Variants in KRT5 observed in about 807,000 individuals in gnomAD.
The protein encoded by KRT5 is keratin, type II cytoskeletal 5.
Under a neutral mutation model 44.0 loss-of-function variants are expected in KRT5, and 17 were observed. That is an observed-to-expected ratio of 0.39 (90% CI 0.26 to 0.58). The LOEUF (loss-of-function observed/expected upper bound fraction) is 0.58, where lower values mean the gene tolerates loss of function less well. Among genes scored for constraint, KRT5 ranks in the 20% least tolerant of loss-of-function variants. KRT5 has a pLI of 0.61. For synonymous variants in KRT5, 329 were observed against 312.8 expected, an observed-to-expected ratio of 1.05 and a Z score of -0.55; for missense variants, 737 against 785.5, an observed-to-expected ratio of 0.94 and a Z score of 0.74.
Position 52,515,826 on chromosome 12 carries a change from A to T in KRT5, c.1446T>A (p.Ser482Arg). ...TGTTGACTGGTCCAACTCCTTCTCCACTGAGTCTGAAAGGGGAAAAATTGA... is the reference window on the plus strand; with the variant it reads ...TGTTGACTGGTCCAACTCCTTCTCCTCTGAGTCTGAAAGGGGAAAAATTGA... ...KLLEGEECRL[S>R]GEGVGPVNIS... Residue 482 changes from serine to arginine, a missense_variant, in exon 8 of 9, where the codon AGT becomes AGA. Transcript: ENST00000252242. 6.2e-7 allele frequency: 1 copy of T among 1,613,234 alleles called. No individual in the cohort carries two copies. The highest frequency in any genetic ancestry group is 8.5e-7 in the Non-Finnish European group (1 of 1,179,198).
At chr12:52,518,438 C>T (rs1232536450) in intron 2 of KRT5, 1 of 635,182 alleles carries the variant, frequency 1.6e-6, no homozygotes, top group African/African-American at 1.8e-5. Context: ...TGCTGTTTCT[C>T]CCCAACTGCA....
chr12:52,517,119 A>T lies in KRT5; in HGVS notation c.1206T>A (p.Asn402Lys). 6.2e-7 allele frequency: 1 copy of T among 1,614,088 alleles called. No homozygotes were observed. Among genetic ancestry groups the T allele is most frequent in the Non-Finnish European group, 8.5e-7 (1 of 1,180,016 alleles). ...AATCTCACCCTACCTGTTTCTTGAC[A>T]TTGTCAATCTCGGCTCTCAGCCTCT... is the stretch of plus-strand genomic sequence containing the variant. Reference protein sequence around the residue: ...MIQRLRAEIDNVKKQCANLQN... With the variant: ...MIQRLRAEIDKVKKQCANLQN... Residue 402 changes from asparagine (N) to lysine (K), a missense_variant, in exon 6 of 9, where the codon AAT becomes AAA. By Grantham distance (94) the Asn-to-Lys change is moderately conservative. This residue lies in a region of KRT5 where 344 missense variants were observed against 351.6 expected (regional missense o/e 0.98). Transcript: ENST00000252242.
At position 52,514,843 on chromosome 12, in the gene KRT5, C is replaced by T. The variant is rs1249456216; in HGVS notation, c.*99G>A. The T allele has an allele frequency of 5.3e-5, 58 of 1,088,164 alleles. No homozygotes were observed. The highest frequency in any genetic ancestry group is 7.6e-5 in the Non-Finnish European group (55 of 719,104). The allele number at this position is 1,088,164 out of a possible 1,614,324, so 67.4% of individuals were successfully genotyped here. On this transcript the variant is annotated 3_prime_UTR_variant, in exon 9 of 9. Coordinates refer to ENST00000252242, the MANE Select transcript of KRT5 (RefSeq NM_000424.4). ...CAATTGGCTTGGTCTAGACTACTCT[C>T]CAGAAAAGGATAAAACATGGCTTGA...
At chr12:52,518,874 A>T in intron 2 of KRT5, 72 bp downstream of exon 2, 1 of 1,569,058 alleles carries the variant, frequency 6.4e-7, no homozygotes, top group Non-Finnish European at 8.8e-7. Context: ...ATGGTAGTAG[A>T]CTAGTAACAA....
At chr12:52,515,665 A>C (rs1039512476) in intron 8 of KRT5, 133 bp downstream of exon 8, 2 of 786,126 alleles carry the variant, frequency 2.5e-6, no homozygotes, top group Non-Finnish European at 2.2e-6. Flanking sequence ...CCCACAACTT[A>C]CTAAGTGTAT....
Position 52,514,857 on chromosome 12 carries a change from A to C in KRT5, c.*85T>G. The C allele has an allele frequency of 8.3e-7, 1 of 1,211,676 alleles. No homozygotes were observed. Among genetic ancestry groups the C allele is most frequent in the South Asian group, 1.3e-5 (1 of 79,686 alleles). 75.1% of individuals were successfully genotyped at this position (1,211,676 alleles called of 1,614,324 possible). On this transcript the variant is annotated 3_prime_UTR_variant, in exon 9 of 9. Transcript: ENST00000252242. ...TAGACTACTCTCCAGAAAAGGATAAAACATGGCTTGAGCAACTGCCTAGAA... is the reference window on the plus strand; with the variant it reads ...TAGACTACTCTCCAGAAAAGGATAACACATGGCTTGAGCAACTGCCTAGAA...
At chr12:52,517,358 G>C (rs1021705808) in intron 5 of KRT5, 126 bp from the exon 6 acceptor site, 15 of 1,224,764 alleles carry the variant, frequency 1.2e-5, no homozygotes, top group Middle Eastern at 2.0e-4. Context: ...CTTTTCCAAG[G>C]CTGAGCTAGT....
rs572464702 is a variant in KRT5, at chr12:52,514,993, G to A, written c.1722C>T (p.Ser574=). The change falls in exon 9 of 9, where the codon AGC becomes AGT. Residue 574 remains serine (S), a synonymous_variant. Coordinates refer to ENST00000252242, the MANE Select transcript of KRT5 (RefSeq NM_000424.4). ...AGGAGGTGGTGGAGACAAATTTGAC[G>A]CTGGAGCTGCTACCCCCGCCACTGC... ...GFGSGGGSSS[S]VKFVSTTSSS... is the part of the protein sequence containing the mutation. 51 of 1,613,028 alleles carry A rather than the reference G, an allele frequency of 3.2e-5. No homozygotes were observed. The highest frequency in any genetic ancestry group is 2.3e-4 in the South Asian group (21 of 90,998).
rs140829014 is a variant in KRT5 at position 52,516,444 on chromosome 12, C to T, written c.1439+193G>A. ...GAGGACAGCCAGTGCCCAGGAACAC[C>T]GGTGGGGGAAAAGAGACCAGAAAAG... On this transcript the variant is annotated intron_variant, in intron 7 of 8. Coordinates refer to ENST00000252242, the MANE Select transcript of KRT5 (RefSeq NM_000424.4). The T allele has an allele frequency of 3.7e-4, 234 of 637,026 alleles. 1 individual carries two copies. In the African/African-American group the frequency reaches 3.7e-3, roughly 10 times the overall value. 39.5% of individuals were successfully genotyped at this position (637,026 alleles called of 1,614,324 possible).
rs111777032 is a variant in KRT5, at chr12:52,516,860, A to G, written c.1219-3T>C. 19 of 1,613,968 alleles carry G rather than the reference A, an allele frequency of 1.2e-5. No individual in the cohort carries two copies. The highest frequency in any genetic ancestry group is 5.5e-5 in the South Asian group (5 of 91,082). ...ATGGCGTTCTGCAGATTGGCGCACT[A>G]CAGATAGAAAGGAGGAGAGTGGGGT... On this transcript the variant is annotated splice_polypyrimidine_tract_variant and splice_region_variant and intron_variant, in intron 6 of 8. Transcript: ENST00000252242.
chr12:52,517,363 G>A, intron 5 of KRT5, 131 bp from the exon 6 acceptor site: 2 of 1,181,240 alleles, frequency 1.7e-6, no homozygotes, highest in African/African-American at 1.5e-5. Flanking sequence ...CCAAGGCTGA[G>A]CTAGTCTAGT....
At chr12:52,517,807 T>C (rs984213726) in intron 4 of KRT5, 53 bp from the exon 5 acceptor site, 1 of 1,611,322 alleles carries the variant, frequency 6.2e-7, no homozygotes, top group Non-Finnish European at 8.5e-7. Context: ...TTATTTAATG[T>C]CAGTTCCATT....
At chr12:52,517,009 G>A (rs1208530116) in intron 6 of KRT5, 98 bp downstream of exon 6, 1 of 1,520,198 alleles carries the variant, frequency 6.6e-7, no homozygotes, top group African/African-American at 1.4e-5. Flanking sequence ...ACTGGATCTA[G>A]CTGCGTGTGT....
Position 52,518,114 on chromosome 12 carries a change from T to G in KRT5, c.820A>C (p.Met274Leu), listed in dbSNP as rs1387934183. 6.2e-7 allele frequency: 1 copy of G among 1,614,232 alleles called. No homozygotes were observed. The highest frequency in any genetic ancestry group is 1.7e-5 in the Admixed American group (1 of 60,028). ...KRTTAENEFV[M>L]LKKDVDAAYM... ...CCACCCACACGCACCTTCTTCAGCA[T>G]CACAAACTCATTCTCAGCAGTGGTA... Residue 274 changes from methionine to leucine, a missense_variant, in exon 3 of 9, where the codon ATG becomes CTG. By Grantham distance (15) the Met-to-Leu change is conservative (BLOSUM62 2). Around this residue, in one of 5 missense-constraint regions of KRT5, gnomAD observed 59 missense variants for 62.5 expected, o/e 0.94. Coordinates refer to ENST00000252242, the MANE Select transcript of KRT5 (RefSeq NM_000424.4).
At position 52,520,107 on chromosome 12, in the gene KRT5, T is replaced by C; in HGVS notation, c.190A>G (p.Ser64Gly). Residue 64 changes from serine (S) to glycine (G), a missense_variant, in exon 1 of 9, where the codon AGC becomes GGC. Coordinates refer to ENST00000252242, the MANE Select transcript of KRT5 (RefSeq NM_000424.4). ...TTGGAGCCCCCCAGGTTGTAGAGGC[T>C]CCGGCTGCCATAGCCACCCACTCCA... ...ACGVGGYGSRSLYNLGGSKRI... is the reference protein window; with the variant it reads ...ACGVGGYGSRGLYNLGGSKRI... The C allele has an allele frequency of 6.2e-7, 1 of 1,613,720 alleles. No individual in the cohort carries two copies. Among genetic ancestry groups the C allele is most frequent in the Non-Finnish European group, 8.5e-7 (1 of 1,179,864 alleles).
In KRT5 at chr12:52,519,766, A is replaced by G. The variant is rs1226419349; in HGVS notation, c.531T>C (p.Asn177=). 1.2e-6 allele frequency: 2 copies of G among 1,613,944 alleles called. No individual in the cohort carries two copies. Among genetic ancestry groups the G allele is most frequent in the South Asian group, 2.2e-5 (2 of 91,062 alleles). The change falls in exon 1 of 9, where the codon AAT becomes AAC. Residue 177 remains asparagine, a synonymous_variant. Transcript: ENST00000252242. ...CCTTGTCGATGAAGGAGGCAAACTT[A>G]TTGTTGAGGGTCTTGATCTGCTCGC... is the stretch of plus-strand genomic sequence containing the variant. The part of the protein sequence containing the change: ...EEREQIKTLN[N]KFASFIDKVR...
Position 52,517,153 on chromosome 12 carries a change from C to T in KRT5, c.1172G>A (p.Arg391Gln), listed in dbSNP as rs747792410. The change falls in exon 6 of 9, where the codon CGG becomes CAG. Residue 391 changes from arginine to glutamine, a missense_variant. By Grantham distance (43) the Arg-to-Gln change is conservative. This residue lies in a region of KRT5 where 344 missense variants were observed against 351.6 expected (regional missense o/e 0.98). Coordinates refer to ENST00000252242, the MANE Select transcript of KRT5 (RefSeq NM_000424.4). ...CTCGGCTCTCAGCCTCTGGATCATCCGGTTCATCTCAGAGATCTCATGCTT... is the reference window on the plus strand; with the variant it reads ...CTCGGCTCTCAGCCTCTGGATCATCTGGTTCATCTCAGAGATCTCATGCTT... ...NTKHEISEMN[R>Q]MIQRLRAEID... The T allele has an allele frequency of 3.7e-6, 6 of 1,614,124 alleles. No individual in the cohort carries two copies. The highest frequency in any genetic ancestry group is 4.2e-6 in the Non-Finnish European group (5 of 1,180,008).
Position 52,514,808 on chromosome 12 carries a change from T to C in KRT5, c.*134A>G, listed in dbSNP as rs568942940. On this transcript the variant is annotated 3_prime_UTR_variant, in exon 9 of 9. Coordinates refer to ENST00000252242, the MANE Select transcript of KRT5 (RefSeq NM_000424.4). ...TGGGGCTCTCCTGGGAACCAAAGAA[T>C]GTGGTTCTGCAATTGGCTTGGTCTA... 3.2e-5 allele frequency: 24 copies of C among 761,162 alleles called. No homozygotes were observed. The highest frequency in any genetic ancestry group is 3.4e-5 in the African/African-American group (2 of 58,036). The allele number at this position is 761,162 out of a possible 1,614,324, so 47.2% of individuals were successfully genotyped here. A position where few individuals can be genotyped will look rare whatever the true frequency, so the allele number is the denominator to read the frequency against.
intron 1 of KRT5, 117 bp from the exon 2 acceptor site, chr12:52,519,277 T>C: frequency 6.9e-7 from 1 of 1,448,716 alleles, no homozygotes; most frequent in Non-Finnish European, 9.5e-7. Context: ...GCACTGTGCC[T>C]GGCCCTGGGC....
Sources: allele counts gnomAD v4.1 joint callset, GRCh38; gene constraint gnomAD v4.1.1; regional missense constraint gnomAD v4.1.1; transcripts MANE v1.5; gene names NCBI Gene and HGNC (gene_info 2026-07-23, HGNC 2026-07-21).